Variants in RAB5IF observed in about 807,000 individuals in gnomAD.
RAB5IF encodes the protein RAB5 interacting factor.
A neutral mutation model predicts 20.3 loss-of-function variants in RAB5IF; 15 were observed. That is an observed-to-expected ratio of 0.74 (90% CI 0.50 to 1.14). The LOEUF (loss-of-function observed/expected upper bound fraction) is 1.14, where lower values mean the gene tolerates loss of function less well. Ranked by LOEUF, RAB5IF falls within the 50% of genes most tolerant of loss-of-function variation. The probability of loss-of-function intolerance (pLI) is 0.00; values close to 1 mark genes in which losing one functional copy is unlikely to be tolerated. For synonymous variants in RAB5IF, 67 were observed against 63.7 expected (o/e 1.05, Z -0.25); for missense variants, 148 against 159.5 (o/e 0.93, Z 0.39).
rs547431532 is a variant in RAB5IF, at chr20:36,606,842, T to C, written c.114+777T>C. ...TCCAGGTAGCTTGAAAAGCGTATTATATTTGCAGTCATTTCTTGGTTTTCT... is the reference window on the plus strand; with the variant it reads ...TCCAGGTAGCTTGAAAAGCGTATTACATTTGCAGTCATTTCTTGGTTTTCT... On this transcript the variant is annotated intron_variant, in intron 1 of 3. Transcript: ENST00000344795. Among the ~76,000 whole-genome samples the C allele has an allele frequency of 1.4e-4, 21 of 152,342 alleles. No homozygotes were observed. In the South Asian group the frequency reaches 3.9e-3, roughly 29 times the overall value.
intron 2 of RAB5IF, among the ~76,000 whole-genome samples, chr20:36,608,604 C>T (rs1167843784): frequency 6.7e-6 from 1 of 148,864 alleles, no homozygotes. Flanking sequence ...TTCTCTGTCG[C>T]CCAGGCAGGC....
intron 3 of RAB5IF, among the ~76,000 whole-genome samples, chr20:36,611,564 T>C (rs2039120334): frequency 6.6e-6 from 1 of 151,856 alleles, no homozygotes; most frequent in Non-Finnish European, 1.5e-5. Flanking sequence ...ATAAAATCTT[T>C]TGAGATGTAG....
chr20:36,609,635 T>C lies in RAB5IF; in HGVS notation c.253T>C (p.Tyr85His), dbSNP rs1236711883. Residue 85 changes from tyrosine (Y) to histidine (H), a missense_variant, in exon 3 of 4, where the codon TAC (tyrosine) becomes CAC (histidine). Transcript: ENST00000344795. ...CLINAGVLYL[Y>H]FSNYLQIDEE... is the part of the protein sequence containing the mutation. ...GATCAATGCAGGAGTCCTGTACCTC[T>C]ACTTCAGCAATTACCTACAGATTGA... The C allele has an allele frequency of 1.2e-6, 2 of 1,612,458 alleles. No individual in the cohort carries two copies. The highest frequency in any genetic ancestry group is 2.2e-5 in the East Asian group (1 of 44,884).
chr20:36,611,602 A>G (rs545889577), intron 3 of RAB5IF, among the ~76,000 whole-genome samples: 2 of 152,212 alleles, frequency 1.3e-5, no homozygotes, highest in South Asian at 4.1e-4. Flanking sequence ...GTTTTTTTAA[A>G]AGAACCAAGA....
chr20:36,607,668 G>A, intron 1 of RAB5IF, 47 bp from the exon 2 acceptor site: 1 of 1,608,822 alleles, frequency 6.2e-7, no homozygotes, highest in Non-Finnish European at 8.5e-7. Context: ...TTGCTGTCTT[G>A]TGGCACCCAC....
rs1272196102 is a variant in RAB5IF, at chr20:36,609,184, C to T, written c.219-417C>T. Among the ~76,000 whole-genome samples the T allele has an allele frequency of 7.2e-3, 316 of 43,642 alleles. 9 individuals are homozygous for T. The highest frequency in any genetic ancestry group is 0.028 in the Middle Eastern group (3 of 108). The allele number at this position is 43,642 out of a possible 152,430, so 28.6% of individuals were successfully genotyped here. A position where few individuals can be genotyped will look rare whatever the true frequency, so the allele number is the denominator to read the frequency against. On this transcript the variant is annotated intron_variant, in intron 2 of 3. Transcript: ENST00000344795. ...ACACACACACACACACACACACACA[C>T]ACACACACACGCACACACGCACACA...
intron 2 of RAB5IF, 80 bp downstream of exon 2, chr20:36,607,898 A>G (rs923352037): frequency 6.3e-7 from 1 of 1,586,104 alleles, no homozygotes; most frequent in Non-Finnish European, 8.6e-7. Flanking sequence ...AGGAAAGGCC[A>G]TTGCTGCTCT....
intron 2 of RAB5IF, among the ~76,000 whole-genome samples, chr20:36,609,211 GCACACACGCA>G (rs2039032648): frequency 3.0e-4 from 11 of 36,586 alleles, no homozygotes; most frequent in Non-Finnish European, 4.6e-4. Context: ...ACGCACACAC[GCACACACGCA>G]CACACACACA....
chr20:36,605,970 AAGG>A lies in RAB5IF; in HGVS notation c.25_27del (p.Glu9del). 1 of 1,506,742 alleles carries A rather than the reference AAGG, an allele frequency of 6.6e-7. No individual in the cohort carries two copies. Among genetic ancestry groups the A allele is most frequent in the Non-Finnish European group, 8.9e-7 (1 of 1,124,172 alleles). The allele number at this position is 1,506,742 out of a possible 1,614,324, so 93.3% of individuals were successfully genotyped here. On this transcript the variant is annotated inframe_deletion, in exon 1 of 4. Transcript: ENST00000344795. ...CGGGAGGATGAGCGGCGGGCGGCGG[AAGG>A]AGGAGCCGCCTCAGCCGCAGCTGGC... is the stretch of plus-strand genomic sequence containing the variant.
rs896723574 is a variant in RAB5IF, at chr20:36,610,209, G to A, written c.348+479G>A. ...CGAGGCATGAGAATCGCTTGAACCCGGGAGGCGGAGGTTGCAGTGAGCCAA... is the reference window on the plus strand; with the variant it reads ...CGAGGCATGAGAATCGCTTGAACCCAGGAGGCGGAGGTTGCAGTGAGCCAA... On this transcript the variant is annotated intron_variant, in intron 3 of 3. Coordinates refer to ENST00000344795, the MANE Select transcript of RAB5IF (RefSeq NM_018840.5). Among the ~76,000 whole-genome samples, 9 of 152,156 alleles carry A rather than the reference G, an allele frequency of 5.9e-5. No homozygotes were observed. In the South Asian group the frequency reaches 8.3e-4, roughly 14 times the overall value.
At chr20:36,609,256 C>CACACACTATA (rs1555790839) in intron 2 of RAB5IF, among the ~76,000 whole-genome samples, 1 of 121,580 alleles carries the variant, frequency 8.2e-6, no homozygotes, top group African/African-American at 3.7e-5. Context: ...CACACACACA[C>CACACACTATA]TATATATAGA....
Position 36,611,955 on chromosome 20 carries a change from G to A in RAB5IF, c.349-55G>A. On this transcript the variant is annotated intron_variant, in intron 3 of 3. Transcript: ENST00000344795. ...TCTCATCTGGCATTTTTGTTTTGTGGAATCGGCCTGTGTTAAGCCAGGTGA... is the reference window on the plus strand; with the variant it reads ...TCTCATCTGGCATTTTTGTTTTGTGAAATCGGCCTGTGTTAAGCCAGGTGA... 1.9e-6 allele frequency: 3 copies of A among 1,605,126 alleles called. 1 individual carries two copies. In the South Asian group the frequency reaches 3.3e-5, roughly 18 times the overall value.
intron 2 of RAB5IF, chr20:36,608,210 C>T (rs2038980253): frequency 3.3e-6 from 1 of 300,194 alleles, no homozygotes; most frequent in African/African-American, 2.2e-5. Context: ...GCTTAATGTC[C>T]TAAACCTTGG....
rs528538566 is a variant in RAB5IF at position 36,605,809 on chromosome 20, A to G, written c.-143A>G. ...GCCGGCGGAACCGGGTAGCTTGGCCAGGTTGTGAGGAACCGCAGCGCGCCG... is the reference window on the plus strand; with the variant it reads ...GCCGGCGGAACCGGGTAGCTTGGCCGGGTTGTGAGGAACCGCAGCGCGCCG... On this transcript the variant is annotated 5_prime_UTR_variant, in exon 1 of 4. Coordinates refer to ENST00000344795, the MANE Select transcript of RAB5IF (RefSeq NM_018840.5). 15 of 422,450 alleles carry G rather than the reference A, an allele frequency of 3.6e-5. No individual in the cohort carries two copies. The South Asian group carries it at 9.3e-4, about 26-fold the overall frequency. The allele number at this position is 422,450 out of a possible 1,614,324, so 26.2% of individuals were successfully genotyped here. A position where few individuals can be genotyped will look rare whatever the true frequency, so the allele number is the denominator to read the frequency against.
At chr20:36,611,284 C>T (rs2039107836) in intron 3 of RAB5IF, among the ~76,000 whole-genome samples, 1 of 152,050 alleles carries the variant, frequency 6.6e-6, no homozygotes, top group Non-Finnish European at 1.5e-5. Flanking sequence ...AGCCACTGCA[C>T]CTGGCCCATT....
chr20:36,608,803 G>T, intron 2 of RAB5IF, among the ~76,000 whole-genome samples: 1 of 151,988 alleles, frequency 6.6e-6, no homozygotes, highest in South Asian at 2.1e-4. Context: ...GACCTCAGGT[G>T]ATCCGCCTGT....
At position 36,609,256 on chromosome 20, in the gene RAB5IF, CTA is replaced by C. The variant is rs60707085; in HGVS notation, c.219-338_219-337del. 8.9e-3 allele frequency among the ~76,000 whole-genome samples: 1,087 copies of C among 121,588 alleles called. 43 individuals carry two copies. Among genetic ancestry groups the C allele is most frequent in the African/African-American group, 0.02 (527 of 26,822 alleles). 79.8% of individuals were successfully genotyped at this position (121,588 alleles called of 152,430 possible). A position where few individuals can be genotyped will look rare whatever the true frequency, so the allele number is the denominator to read the frequency against. ...ACACACACACACACACACACACACA[CTA>C]TATATAGAGTTTCGCTGTTGCCCAG... On this transcript the variant is annotated intron_variant, in intron 2 of 3. Coordinates refer to ENST00000344795, the MANE Select transcript of RAB5IF (RefSeq NM_018840.5).
chr20:36,609,156 T>TACCCAC (rs2039010357), intron 2 of RAB5IF, among the ~76,000 whole-genome samples: 1 of 17,052 alleles, frequency 5.9e-5, no homozygotes, highest in Non-Finnish European at 1.1e-4. Flanking sequence ...AGAACTATAT[T>TACCCAC]ACACACACAC....
At chr20:36,606,646 G>A (rs1162515896) in intron 1 of RAB5IF, among the ~76,000 whole-genome samples, 1 of 152,196 alleles carries the variant, frequency 6.6e-6, no homozygotes, top group Non-Finnish European at 1.5e-5. Flanking sequence ...TGAGTCAAGA[G>A]GGGAGACTGA....
Sources: gnomAD v4.1 joint callset for allele counts (sites outside exome capture counted in the v4.1 genomes callset) on GRCh38, gnomAD v4.1.1 for gene constraint, MANE v1.5 for transcripts, NCBI Gene and HGNC (gene_info 2026-07-23, HGNC 2026-07-21) for gene names.